The following EGR2 variants were observed in gnomAD, a reference collection of about 807,000 sequenced individuals.
EGR2 encodes the protein E3 SUMO-protein ligase EGR2.
Under a neutral mutation model 21.2 loss-of-function variants are expected in EGR2, and 2 were observed. The ratio of observed to expected loss-of-function variants is 0.09; its 90% CI spans 0.04 to 0.30. The LOEUF (loss-of-function observed/expected upper bound fraction) is 0.30, where lower values mean the gene tolerates loss of function less well. EGR2 is among the 10% of genes least tolerant of loss of function. EGR2 has a pLI of 1.00. For missense variants in EGR2, 458 were observed against 630.2 expected, an observed-to-expected ratio of 0.73 and a Z score of 2.93; for synonymous variants, 282 against 258.2, an observed-to-expected ratio of 1.09 and a Z score of -0.88.
chr10:62,817,307 ACACT>A (rs1444164253), upstream of EGR2, among the ~76,000 whole-genome samples: 1 of 151,838 alleles, frequency 6.6e-6, no homozygotes, highest in Non-Finnish European at 1.5e-5. This position sits in a 1 kb window ranked among gnomAD's most constrained non-coding sequence, Gnocchi z 4.4. Flanking sequence ...ACATACACAC[ACACT>A]CACACTCGCT....
chr10:62,816,075 G>A lies in EGR2; in HGVS notation c.-46C>T. ...AGACCCAACTCCCTCGCTACCTGGA[G>A]TGTCAGAAAAGCCGTTTTGGAGAGG... On this transcript the variant is annotated 5_prime_UTR_variant, in exon 1 of 2. Transcript: ENST00000242480. 6.2e-7 allele frequency: 1 copy of A among 1,613,914 alleles called. No individual in the cohort carries two copies. Among genetic ancestry groups the A allele is most frequent in the South Asian group, 1.1e-5 (1 of 91,048 alleles).
upstream of EGR2, among the ~76,000 whole-genome samples, chr10:62,817,670 A>G (rs1313549386): frequency 6.6e-6 from 1 of 152,138 alleles, no homozygotes; most frequent in East Asian, 1.9e-4. The surrounding 1 kb of genome is among the most constrained non-coding windows in gnomAD (Gnocchi z 4.4). Flanking sequence ...GACGGCCGAA[A>G]GCATCTCTAA....
chr10:62,816,304 T>A lies in EGR2; in HGVS notation c.-275A>T. The A allele has an allele frequency of 7.5e-7, 1 of 1,326,656 alleles. No individual in the cohort carries two copies. The highest frequency in any genetic ancestry group is 9.7e-7 in the Non-Finnish European group (1 of 1,032,640). 82.2% of individuals were successfully genotyped at this position (1,326,656 alleles called of 1,614,324 possible). A position where few individuals can be genotyped will look rare whatever the true frequency, so the allele number is the denominator to read the frequency against. ...GGGAAGCCAGGAGTTGCTGGTGTAG[T>A]GTTATTATAACAGTCAGTGAGTCCC... On this transcript the variant is annotated 5_prime_UTR_variant, in exon 1 of 2. Coordinates refer to ENST00000242480, the MANE Select transcript of EGR2 (RefSeq NM_000399.5).
chr10:62,815,019 A>G (rs546604253), intron 1 of EGR2, among the ~76,000 whole-genome samples: 2 of 152,310 alleles, frequency 1.3e-5, no homozygotes, highest in South Asian at 4.1e-4. Context: ...GCTTCAGCCG[A>G]GGGCTGCTGG....
Position 62,816,046 on chromosome 10 carries a change from C to T in EGR2, c.-17G>A. 1 of 1,614,096 alleles carries T rather than the reference C, an allele frequency of 6.2e-7. No individual in the cohort carries two copies. The highest frequency in any genetic ancestry group is 8.5e-7 in the Non-Finnish European group (1 of 1,180,008). ...GGTCATCATTTGCTCCTCGCACAAC[C>T]TGGAGACCCAACTCCCTCGCTACCT... is the stretch of plus-strand genomic sequence containing the variant. On this transcript the variant is annotated 5_prime_UTR_variant, in exon 1 of 2. Transcript: ENST00000242480.
upstream of EGR2, among the ~76,000 whole-genome samples, chr10:62,818,876 T>C (rs961880771): frequency 7.9e-5 from 12 of 152,004 alleles, no homozygotes; most frequent in African/African-American, 2.9e-4. Context: ...CCGCCGGCGG[T>C]CGCCGCGCGC....
At chr10:62,818,488 C>T, upstream of EGR2, 1 of 1,066,246 alleles carries the variant, frequency 9.4e-7, no homozygotes, top group Non-Finnish European at 1.2e-6. Context: ...AGTCCTATTT[C>T]TCAAGAAAGA....
chr10:62,817,309 A>G (rs1838275205), upstream of EGR2, among the ~76,000 whole-genome samples: 1 of 151,376 alleles, frequency 6.6e-6, no homozygotes, highest in African/African-American at 2.4e-5. The surrounding 1 kb of genome is among the most constrained non-coding windows in gnomAD (Gnocchi z 4.4). Context: ...ATACACACAC[A>G]CTCACACTCG....
In EGR2 at chr10:62,814,201, G is replaced by C; in HGVS notation, c.437C>G (p.Thr146Arg). 6.2e-7 allele frequency: 1 copy of C among 1,614,200 alleles called. No homozygotes were observed. Among genetic ancestry groups the C allele is most frequent in the Non-Finnish European group, 8.5e-7 (1 of 1,180,028 alleles). The part of the protein sequence containing the change: ...VTSASPNPLA[T>R]GPLGVCTMSQ... ...CATGGTGCACACACCCAGGGGTCCT[G>C]TGGCCAGTGGGTTGGGGGAGGCAGA... Residue 146 changes from threonine (T) to arginine (R), a missense_variant, in exon 2 of 2, where the codon ACA becomes AGA. Around this residue, in one of 5 missense-constraint regions of EGR2, gnomAD observed 253 missense variants for 315.5 expected, o/e 0.80. Coordinates refer to ENST00000242480, the MANE Select transcript of EGR2 (RefSeq NM_000399.5). This position sits in a 1 kb window ranked among gnomAD's most constrained non-coding sequence, Gnocchi z 4.8.
chr10:62,818,514 A>C (rs1001016379), upstream of EGR2: 3 of 1,176,978 alleles, frequency 2.5e-6, no homozygotes, highest in African/African-American at 4.9e-5. Flanking sequence ...AGAAAAGAAA[A>C]GCAAGAAAAG....
chr10:62,816,424 C>T, upstream of EGR2: 1 of 1,162,850 alleles, frequency 8.6e-7, no homozygotes, highest in Non-Finnish European at 1.1e-6. Flanking sequence ...CGTGACGTCG[C>T]TGCCCATATA....
intron 1 of EGR2, among the ~76,000 whole-genome samples, chr10:62,815,378 G>A: frequency 6.6e-6 from 1 of 152,232 alleles, no homozygotes; most frequent in East Asian, 1.9e-4. Context: ...CGCAAGAAGG[G>A]AGCGCTCCGA....
In EGR2 at chr10:62,813,286, C is replaced by T. The variant is rs138967272; in HGVS notation, c.1352G>A (p.Gly451Asp). Residue 451 changes from glycine (G) to aspartate (D), a missense_variant, in exon 2 of 2, where the codon GGT becomes GAT. By Grantham distance (94) the Gly-to-Asp change is moderately conservative. Around this residue, in one of 5 missense-constraint regions of EGR2, gnomAD observed 69 missense variants for 70.4 expected, o/e 0.98. Coordinates refer to ENST00000242480, the MANE Select transcript of EGR2 (RefSeq NM_000399.5). This position sits in a 1 kb window ranked among gnomAD's most constrained non-coding sequence, Gnocchi z 5.7. ...ASCSGGVQPG[G>D]TLCSSNSSSL... ...GCTGCTGTTACTGCTGCACAGGGTA[C>T]CCCCAGGCTGCACGCCCCCAGAGCA... 47 of 1,572,470 alleles carry T rather than the reference C, an allele frequency of 3.0e-5. No individual in the cohort carries two copies. Among genetic ancestry groups the T allele is most frequent in the Non-Finnish European group, 3.7e-5 (43 of 1,157,622 alleles).
At chr10:62,815,727 G>C (rs1398156732) in intron 1 of EGR2, 134 bp downstream of exon 1, 1 of 1,184,154 alleles carries the variant, frequency 8.4e-7, no homozygotes, top group African/African-American at 1.5e-5. Context: ...CCCACTTCCA[G>C]TCTTCAAAGC....
chr10:62,815,776 C>G, intron 1 of EGR2, 85 bp downstream of exon 1: 1 of 1,525,800 alleles, frequency 6.6e-7, no homozygotes, highest in Non-Finnish European at 9.0e-7. Context: ...CCCCAATCCT[C>G]TCCTGCGATT....
At position 62,813,738 on chromosome 10, in the gene EGR2, T is replaced by C; in HGVS notation, c.900A>G (p.Ala300=). 1 of 1,611,894 alleles carries C rather than the reference T, an allele frequency of 6.2e-7. No individual in the cohort carries two copies. The highest frequency in any genetic ancestry group is 8.5e-7 in the Non-Finnish European group (1 of 1,179,540). The change falls in exon 2 of 2, where the codon GCA becomes GCG. Residue 300 remains alanine (A), a synonymous_variant. Transcript: ENST00000242480. The surrounding 1 kb of genome is among the most constrained non-coding windows in gnomAD (Gnocchi z 5.7). The stretch of plus-strand genomic sequence containing the variant: ...CGGCGGCGGCGGCGGCTGCTGCTGC[T>C]GCTGAGCTGCTACCAGGCAGCCGGG... ...EGPRLPGSSS[A]AAAAAAAAAY... is the part of the protein sequence containing the mutation.
rs1362094368 is a variant in EGR2, at chr10:62,814,047, A to G, written c.591T>C (p.Ser197=). 7 of 1,613,904 alleles carry G rather than the reference A, an allele frequency of 4.3e-6. No homozygotes were observed. The highest frequency in any genetic ancestry group is 5.9e-6 in the Non-Finnish European group (7 of 1,179,990). The change falls in exon 2 of 2, where the codon TCT becomes TCC. Residue 197 remains serine, a synonymous_variant. Coordinates refer to ENST00000242480, the MANE Select transcript of EGR2 (RefSeq NM_000399.5). This position sits in a 1 kb window ranked among gnomAD's most constrained non-coding sequence, Gnocchi z 4.8. ...GAGGTGGTGGGTAGGCCAGAGAGGA[A>G]GAGGTGGAGGTGGTGGCTGCTGACA... The part of the protein sequence containing the change: ...AFLSAATTST[S]SSLAYPPPPS...
rs1842200895 is a variant in EGR2 at position 62,814,138 on chromosome 10, G to A, written c.500C>T (p.Pro167Leu). ...TQPDLDHLYS[P>L]PPPPPPYSGC... ...AGAATAAGGAGGAGGAGGCGGTGGC[G>A]GAGAGTACAGGTGGTCCAGGTCAGG... is the stretch of plus-strand genomic sequence containing the variant. The change falls in exon 2 of 2, where the codon CCG (proline) becomes CTG (leucine). Residue 167 changes from proline to leucine, a missense_variant. By Grantham distance (98) the Pro-to-Leu change is moderately conservative. Coordinates refer to ENST00000242480, the MANE Select transcript of EGR2 (RefSeq NM_000399.5). This position sits in a 1 kb window ranked among gnomAD's most constrained non-coding sequence, Gnocchi z 4.8. The A allele has an allele frequency of 2.5e-6, 4 of 1,613,940 alleles. No individual in the cohort carries two copies. The highest frequency in any genetic ancestry group is 1.3e-5 in the African/African-American group (1 of 74,994).
In EGR2 at chr10:62,815,853, C is replaced by A. The variant is rs1842253036; in HGVS notation, c.169+8G>T. ...GCAGGTCCGGGCCTGCGAAGACACG[C>A]GGCTTACCTCCGGCCACTCCGTTCA... On this transcript the variant is annotated splice_region_variant and intron_variant, in intron 1 of 1. Transcript: ENST00000242480. 2 of 1,613,846 alleles carry A rather than the reference C, an allele frequency of 1.2e-6. No homozygotes were observed. The highest frequency in any genetic ancestry group is 1.7e-6 in the Non-Finnish European group (2 of 1,179,876).
Sources: allele counts gnomAD v4.1 joint callset (sites outside exome capture counted in the v4.1 genomes callset), GRCh38; gene constraint gnomAD v4.1.1; regional missense constraint gnomAD v4.1.1; non-coding constraint Gnocchi (gnomAD v3.1); transcripts MANE v1.5; gene names NCBI Gene and HGNC (gene_info 2026-07-23, HGNC 2026-07-21).